Variants in GDF5 observed in about 807,000 individuals in gnomAD.
The protein encoded by GDF5 is growth differentiation factor 5.
Under a neutral mutation model 34.6 loss-of-function variants are expected in GDF5, and 17 were observed. The ratio of observed to expected loss-of-function variants is 0.49; its 90% CI spans 0.34 to 0.74. The LOEUF (loss-of-function observed/expected upper bound fraction) is 0.74. GDF5 is among the 30% of genes least tolerant of loss of function. The pLI, the probability that GDF5 is intolerant of heterozygous loss-of-function variation, is 0.01. For missense variants in GDF5, 616 were observed against 661.2 expected, an observed-to-expected ratio of 0.93 and a Z score of 0.75; for synonymous variants, 332 against 290.7, an observed-to-expected ratio of 1.14 and a Z score of -1.44.
rs1031608339 is a variant in GDF5, at chr20:35,433,466, C to T, written c.*443G>A. On this transcript the variant is annotated 3_prime_UTR_variant, in exon 2 of 2. Coordinates refer to ENST00000374369, the MANE Select transcript of GDF5 (RefSeq NM_000557.5). Reference sequence around the variant, plus strand: ...CTCTTCTCTCCCACTCTTGCCCAGTCAGCTTCTCAACTGTCCCAGGGACAG... The same window carrying T: ...CTCTTCTCTCCCACTCTTGCCCAGTTAGCTTCTCAACTGTCCCAGGGACAG... 3.0e-6 allele frequency: 1 copy of T among 329,570 alleles called. No homozygotes were observed. The highest frequency in any genetic ancestry group is 7.9e-5 in the East Asian group (1 of 12,634). The allele number at this position is 329,570 out of a possible 1,614,324, so 20.4% of individuals were successfully genotyped here.
intron 1 of GDF5, among the ~76,000 whole-genome samples, chr20:35,445,155 T>C (rs1197878345): frequency 6.6e-6 from 1 of 152,226 alleles, no homozygotes; most frequent in Non-Finnish European, 1.5e-5. Context: ...TTATCAGCTA[T>C]GTAATCTCAA....
chr20:35,437,970 A>C lies in GDF5; in HGVS notation c.-42T>G, dbSNP rs1347375817. 1.2e-6 allele frequency: 2 copies of C among 1,610,434 alleles called. No homozygotes were observed. Among genetic ancestry groups the C allele is most frequent in the Non-Finnish European group, 8.5e-7 (1 of 1,177,908 alleles). On this transcript the variant is annotated 5_prime_UTR_variant, in exon 1 of 2. Coordinates refer to ENST00000374369, the MANE Select transcript of GDF5 (RefSeq NM_000557.5). ...GAATGACACCAAAGAGAACAGCGGC[A>C]GCAGCGAAGGTGCCTCTGGTTTGGC... is the stretch of plus-strand genomic sequence containing the variant.
rs766292416 is a variant in GDF5 at position 35,434,599 on chromosome 20, C to T, written c.816G>A (p.Arg272=). 22 of 1,589,244 alleles carry T rather than the reference C, an allele frequency of 1.4e-5. No individual in the cohort carries two copies. Among genetic ancestry groups the T allele is most frequent in the Non-Finnish European group, 1.8e-5 (21 of 1,166,110 alleles). Residue 272 remains arginine, a synonymous_variant, in exon 2 of 2, where the codon CGG becomes CGA. Transcript: ENST00000374369. ...GCACATCCAGCAAGGCGGCCGGCTG[C>T]CGGCCGCTGGGGCAGCTGGACAGCT... ...QLKLSSCPSG[R]QPAALLDVRS... is the part of the protein sequence containing the mutation.
In GDF5 at chr20:35,437,675, C is replaced by G; in HGVS notation, c.254G>C (p.Gly85Ala). Residue 85 changes from glycine to alanine, a missense_variant, in exon 1 of 2, where the codon GGC (glycine) becomes GCC (alanine). Transcript: ENST00000374369. ...RAKGGTGQTG[G>A]LTQPKKDEPK... Reference sequence around the variant, plus strand: ...TTCATCCTTCTTGGGCTGTGTCAGGCCTCCTGTCTGCCCGGTGCCTCCCTT... The same window carrying G: ...TTCATCCTTCTTGGGCTGTGTCAGGGCTCCTGTCTGCCCGGTGCCTCCCTT... 1 of 1,614,096 alleles carries G rather than the reference C, an allele frequency of 6.2e-7. No individual in the cohort carries two copies. Among genetic ancestry groups the G allele is most frequent in the Non-Finnish European group, 8.5e-7 (1 of 1,180,020 alleles).
intron 1 of GDF5, among the ~76,000 whole-genome samples, chr20:35,450,352 C>T (rs1176408078): frequency 2.0e-5 from 3 of 151,688 alleles, no homozygotes; most frequent in South Asian, 2.1e-4. Flanking sequence ...AAGAGACTAT[C>T]GTTTTGGTGC....
chr20:35,441,968 G>C (rs1325823960), upstream of GDF5, among the ~76,000 whole-genome samples: 1 of 152,034 alleles, frequency 6.6e-6, no homozygotes, highest in Non-Finnish European at 1.5e-5. Flanking sequence ...AGCCTCCCAA[G>C]TAGCTAGGAC....
chr20:35,434,053 G>A lies in GDF5; in HGVS notation c.1362C>T (p.Asn454=), dbSNP rs1173474485. The A allele has an allele frequency of 5.0e-6, 8 of 1,613,016 alleles. No homozygotes were observed. Among genetic ancestry groups the A allele is most frequent in the Non-Finnish European group, 6.8e-6 (8 of 1,179,662 alleles). Residue 454 remains asparagine (N), a synonymous_variant, in exon 2 of 2, where the codon AAC becomes AAT. Transcript: ENST00000374369. ...GTGGTGTGGACTCGGGGTCCATGGA[G>A]TTCATCAGGGTCTGGATGACTGCAT... ...TNHAVIQTLM[N]SMDPESTPPT...
At position 35,438,017 on chromosome 20, in the gene GDF5, G is replaced by A. The variant is rs2062482577; in HGVS notation, c.-89C>T. The A allele has an allele frequency of 2.7e-6, 4 of 1,478,590 alleles. No individual in the cohort carries two copies. The highest frequency in any genetic ancestry group is 3.7e-6 in the Non-Finnish European group (4 of 1,071,306). The allele number at this position is 1,478,590 out of a possible 1,614,324, so 91.6% of individuals were successfully genotyped here. On this transcript the variant is annotated 5_prime_UTR_variant, in exon 1 of 2. Coordinates refer to ENST00000374369, the MANE Select transcript of GDF5 (RefSeq NM_000557.5). ...TGGCAGGAAAAACCATGAAAGGAGT[G>A]GACTTTCAAAAGCAGCGGCAGCAGC...
intron 1 of GDF5, among the ~76,000 whole-genome samples, chr20:35,450,572 C>A (rs983818723): frequency 6.6e-6 from 1 of 152,022 alleles, no homozygotes; most frequent in African/African-American, 2.4e-5. Flanking sequence ...ATGTTTATAG[C>A]CATCTCTATC....
upstream of GDF5, among the ~76,000 whole-genome samples, chr20:35,439,156 G>A (rs2062488955): frequency 6.6e-6 from 1 of 150,904 alleles, no homozygotes; most frequent in South Asian, 2.1e-4. Flanking sequence ...CGTCCTCTGA[G>A]TTTTCTTAGA....
chr20:35,439,236 C>CTTTT (rs1210665697), upstream of GDF5, among the ~76,000 whole-genome samples: 4 of 129,268 alleles, frequency 3.1e-5, no homozygotes, highest in Admixed American at 7.9e-5. Context: ...CCACATGACG[C>CTTTT]TTTTTTTTTT....
chr20:35,454,451 T>A (rs1280774605), intron 1 of GDF5, among the ~76,000 whole-genome samples: 1 of 144,642 alleles, frequency 6.9e-6, no homozygotes, highest in Admixed American at 6.9e-5. Flanking sequence ...AGACTCCATT[T>A]CAAAAAAAAA....
chr20:35,437,504 C>G lies in GDF5; in HGVS notation c.425G>C (p.Ser142Thr), dbSNP rs1300486977. 1 of 1,614,088 alleles carries G rather than the reference C, an allele frequency of 6.2e-7. No homozygotes were observed. The highest frequency in any genetic ancestry group is 1.1e-5 in the South Asian group (1 of 91,074). Residue 142 changes from serine to threonine, a missense_variant, in exon 1 of 2, where the codon AGC becomes ACC. By Grantham distance (58) the Ser-to-Thr change is moderately conservative. Transcript: ENST00000374369. Reference sequence around the variant, plus strand: ...CCTGGCCTTCTTCAGCAGGAAGGAGCTGGGGACAGATCCTGCTTTTGGGGG... The same window carrying G: ...CCTGGCCTTCTTCAGCAGGAAGGAGGTGGGGACAGATCCTGCTTTTGGGGG... ...KAPPKAGSVP[S>T]SFLLKKAREP...
upstream of GDF5, among the ~76,000 whole-genome samples, chr20:35,440,964 A>T (rs1349898654): frequency 6.6e-6 from 1 of 152,184 alleles, no homozygotes; most frequent in Non-Finnish European, 1.5e-5. Context: ...TTATTTGTGG[A>T]CATAACCTGC....
At chr20:35,453,743 C>T (rs775264861) in intron 1 of GDF5, among the ~76,000 whole-genome samples, 1 of 152,210 alleles carries the variant, frequency 6.6e-6, no homozygotes, top group Non-Finnish European at 1.5e-5. Flanking sequence ...TAAAATATAG[C>T]TTTTAAGCGT....
chr20:35,448,413 A>AAAATAT (rs1236837477), intron 1 of GDF5, among the ~76,000 whole-genome samples: 66 of 96,496 alleles, frequency 6.8e-4, no homozygotes, highest in African/African-American at 2.7e-3. Flanking sequence ...AAAAAAAAAA[A>AAAATAT]ATATATATAT....
At chr20:35,446,952 C>A (rs1166407033) in intron 1 of GDF5, among the ~76,000 whole-genome samples, 1 of 152,108 alleles carries the variant, frequency 6.6e-6, no homozygotes, top group Non-Finnish European at 1.5e-5. Flanking sequence ...TACACTCACC[C>A]GCGCCGCAAA....
chr20:35,454,041 G>A (rs2062552130), intron 1 of GDF5: 1 of 533,344 alleles, frequency 1.9e-6, no homozygotes, highest in Non-Finnish European at 3.9e-6. Flanking sequence ...TCTGGGGGTG[G>A]AAACCAAGAG....
At chr20:35,447,650 G>A (rs1342883950) in intron 1 of GDF5, among the ~76,000 whole-genome samples, 2 of 152,018 alleles carry the variant, frequency 1.3e-5, no homozygotes, top group Non-Finnish European at 2.9e-5. Flanking sequence ...ATATTAGGAA[G>A]AAAAGTAATA....
Sources: gnomAD v4.1 joint callset for allele counts (sites outside exome capture counted in the v4.1 genomes callset) on GRCh38, gnomAD v4.1.1 for gene constraint, MANE v1.5 for transcripts, NCBI Gene and HGNC (gene_info 2026-07-23, HGNC 2026-07-21) for gene names.